The following MRC1 variants were observed in gnomAD, a reference collection of about 807,000 sequenced individuals.
MRC1 encodes the protein macrophage mannose receptor 1.
A neutral mutation model predicts 102.9 loss-of-function variants in MRC1; 62 were observed. That is an observed-to-expected ratio of 0.60 (90% CI 0.49 to 0.74). The LOEUF (loss-of-function observed/expected upper bound fraction) is 0.74, where lower values mean the gene tolerates loss of function less well. Among genes scored for constraint, MRC1 ranks in the 30% least tolerant of loss-of-function variants. The probability of loss-of-function intolerance (pLI) is 0.00; values close to 1 mark genes in which losing one functional copy is unlikely to be tolerated. For missense variants in MRC1, 1,237 were observed against 862.8 expected, an observed-to-expected ratio of 1.43 and a Z score of -5.43; for synonymous variants, 457 against 298.4, an observed-to-expected ratio of 1.53 and a Z score of -5.48.
At chr10:17,856,169 CAAAAAAA>C (rs1243445821) in intron 8 of MRC1, 66 bp from the exon 9 acceptor site, 27 of 521,106 alleles carry the variant, frequency 5.2e-5, no homozygotes, top group Non-Finnish European at 5.3e-5. Flanking sequence ...GACACTGTCT[CAAAAAAA>C]AAAAAAAAAA....
At position 17,902,113 on chromosome 10, in the gene MRC1, C is replaced by A. The variant is rs1833837119; in HGVS notation, c.3790C>A (p.Leu1264Ile). ...CTGGGGCCAAGCTTCTCTGGAATGTCTTCGAATGGGTGAGTGCCACATTTC... is the reference window on the plus strand; with the variant it reads ...CTGGGGCCAAGCTTCTCTGGAATGTATTCGAATGGGTGAGTGCCACATTTC... The part of the protein sequence containing the change: ...RNWGQASLEC[L>I]RMGSSLVSIE... The change falls in exon 26 of 30, where the codon CTT becomes ATT. Residue 1264 changes from leucine (L) to isoleucine (I), a missense_variant. By Grantham distance (5) the Leu-to-Ile change is conservative. Coordinates refer to ENST00000569591, the MANE Select transcript of MRC1 (RefSeq NM_002438.4). 4 of 780,380 alleles carry A rather than the reference C, an allele frequency of 5.1e-6. No individual in the cohort carries two copies. The highest frequency in any genetic ancestry group is 1.7e-5 in the Admixed American group (1 of 58,980). 48.3% of individuals were successfully genotyped at this position (780,380 alleles called of 1,614,324 possible).
chr10:17,886,854 A>G (rs1833603975), intron 22 of MRC1, among the ~76,000 whole-genome samples: 2 of 152,232 alleles, frequency 1.3e-5, no homozygotes, highest in South Asian at 4.1e-4. Context: ...TGAATACAGC[A>G]GGAGTTTTAT....
At chr10:17,879,551 T>G (rs1242412885) in intron 18 of MRC1, among the ~76,000 whole-genome samples, 170 bp from the exon 19 acceptor site, 1 of 152,060 alleles carries the variant, frequency 6.6e-6, no homozygotes, top group African/African-American at 2.4e-5. Context: ...TTAGTAGAGA[T>G]GGAGTTTCCC....
chr10:17,900,891 A>G lies in MRC1; in HGVS notation c.3587A>G (p.Asp1196Gly). Residue 1196 changes from aspartate (D) to glycine (G), a missense_variant, in exon 25 of 30, where the codon GAT (aspartate) becomes GGT (glycine). By Grantham distance (94) the Asp-to-Gly change is moderately conservative. Coordinates refer to ENST00000569591, the MANE Select transcript of MRC1 (RefSeq NM_002438.4). ...LKSACVYLDL[D>G]GYWKTAHCNE... The stretch of plus-strand genomic sequence containing the variant: ...TCAGCATGTGTTTATCTGGATCTTG[A>G]TGGCTACTGGAAGACAGCACATTGC... The G allele has an allele frequency of 1.3e-6, 1 of 780,816 alleles. No homozygotes were observed. Among genetic ancestry groups the G allele is most frequent in the Non-Finnish European group, 2.4e-6 (1 of 417,930 alleles). 48.4% of individuals were successfully genotyped at this position (780,816 alleles called of 1,614,324 possible).
intron 21 of MRC1, 129 bp from the exon 22 acceptor site, chr10:17,885,140 A>G (rs1307554159): frequency 1.4e-6 from 1 of 726,862 alleles, no homozygotes; most frequent in Non-Finnish European, 2.5e-6. Context: ...TGTTCATGGT[A>G]GGTATTTTTA....
intron 3 of MRC1, 30 bp from the exon 4 acceptor site, chr10:17,833,645 G>T (rs1589169210): frequency 1.3e-6 from 1 of 780,706 alleles, no homozygotes; most frequent in South Asian, 1.3e-5. Context: ...TATGCATAAT[G>T]AACCAAATTC....
intron 5 of MRC1, among the ~76,000 whole-genome samples, chr10:17,843,783 TA>T (rs1231367897): frequency 1.8e-4 from 27 of 152,278 alleles, no homozygotes; most frequent in African/African-American, 6.0e-4. Flanking sequence ...ACCAAAACTT[TA>T]AAAAGGTTAT....
chr10:17,874,895 T>A (rs1203247928), intron 16 of MRC1, among the ~76,000 whole-genome samples, 195 bp from the exon 17 acceptor site: 2 of 152,220 alleles, frequency 1.3e-5, no homozygotes, highest in Admixed American at 1.3e-4. Context: ...TTTTACCAGA[T>A]TGGTAGAAAG....
At chr10:17,875,684 G>C (rs1291434983) in intron 17 of MRC1, among the ~76,000 whole-genome samples, 1 of 152,140 alleles carries the variant, frequency 6.6e-6, no homozygotes, top group Non-Finnish European at 1.5e-5. Flanking sequence ...ATTTAGGCTG[G>C]TTCCATATGT....
At chr10:17,822,101 G>A (rs1037190808) in intron 1 of MRC1, among the ~76,000 whole-genome samples, 126 of 152,226 alleles carry the variant, frequency 8.3e-4, no homozygotes, top group Non-Finnish European at 1.4e-3. Flanking sequence ...AGGAAGTTCC[G>A]TTTTGCCAGC....
intron 3 of MRC1, among the ~76,000 whole-genome samples, chr10:17,830,612 A>AC (rs1838556077): frequency 6.6e-6 from 1 of 151,158 alleles, no homozygotes; most frequent in Non-Finnish European, 1.5e-5. Flanking sequence ...GTAAAGGAAA[A>AC]TTCTTGGTTC....
chr10:17,880,492 T>C (rs1833498583), intron 19 of MRC1, 33 bp from the exon 20 acceptor site: 2 of 780,754 alleles, frequency 2.6e-6, no homozygotes, highest in Non-Finnish European at 4.8e-6. Flanking sequence ...CATAAACATA[T>C]GAATCTAATT....
chr10:17,814,470 A>G (rs1377890151), intron 1 of MRC1, among the ~76,000 whole-genome samples: 12 of 152,124 alleles, frequency 7.9e-5, no homozygotes, highest in African/African-American at 2.9e-4. Flanking sequence ...AATTCACGGT[A>G]GCTTTACCAG....
chr10:17,865,155 T>TA (rs1198106981), intron 11 of MRC1, among the ~76,000 whole-genome samples: 4 of 152,210 alleles, frequency 2.6e-5, no homozygotes, highest in African/African-American at 9.6e-5. Context: ...GGTGAAAAGC[T>TA]AAAAAATAAT....
chr10:17,910,252 C>T lies in MRC1; in HGVS notation c.4158C>T (p.Ser1386=), dbSNP rs1320717403. The T allele has an allele frequency of 1.0e-5, 8 of 780,724 alleles. No individual in the cohort carries two copies. The highest frequency in any genetic ancestry group is 3.4e-5 in the African/African-American group (2 of 59,114). 48.4% of individuals were successfully genotyped at this position (780,724 alleles called of 1,614,324 possible). A position where few individuals can be genotyped will look rare whatever the true frequency, so the allele number is the denominator to read the frequency against. Residue 1386 remains serine (S), a synonymous_variant, in exon 30 of 30, where the codon TCC becomes TCT. Transcript: ENST00000569591. ...TRKMDPSKPS[S]NVAGVVIIVI... is the part of the protein sequence containing the mutation. ...AGATGGACCCTTCTAAACCGTCTTC[C>T]AACGTGGCCGGAGTAGTCATCATTG...
chr10:17,825,115 T>C (rs1838453998), intron 2 of MRC1, among the ~76,000 whole-genome samples: 1 of 152,130 alleles, frequency 6.6e-6, no homozygotes, highest in African/African-American at 2.4e-5. Context: ...ATCCTGCTCC[T>C]CAGTTCTAGC....
intron 3 of MRC1, 25 bp from the exon 4 acceptor site, chr10:17,833,650 A>G (rs530979711): frequency 1.3e-5 from 10 of 781,114 alleles, no homozygotes; most frequent in Non-Finnish European, 1.7e-5. Context: ...ATAATGAACC[A>G]AATTCCATCT....
At position 17,901,856 on chromosome 10, in the gene MRC1, T is replaced by G. The variant is rs1248139156; in HGVS notation, c.3650-117T>G. 5 of 765,416 alleles carry G rather than the reference T, an allele frequency of 6.5e-6. No homozygotes were observed. In the African/African-American group the frequency reaches 8.6e-5, roughly 13 times the overall value. The allele number at this position is 765,416 out of a possible 1,614,324, so 47.4% of individuals were successfully genotyped here. ...AATATGGTGATCCAAATGATAACCA[T>G]TGGAAGATTTTTTAAAATAATGATC... On this transcript the variant is annotated intron_variant, in intron 25 of 29. Transcript: ENST00000569591.
At position 17,846,569 on chromosome 10, in the gene MRC1, C is replaced by T. The variant is rs1475478164; in HGVS notation, c.1063+1134C>T. ...TTTCCCTACCTCTCACCTGTAACAC[C>T]CAGTTTACCTTCCTGGAGAATAATT... On this transcript the variant is annotated intron_variant, in intron 6 of 29. Coordinates refer to ENST00000569591, the MANE Select transcript of MRC1 (RefSeq NM_002438.4). Among the ~76,000 whole-genome samples the T allele has an allele frequency of 2.6e-5, 4 of 152,222 alleles. No individual in the cohort carries two copies. In the East Asian group the frequency reaches 7.7e-4, roughly 29 times the overall value.
Sources: allele counts gnomAD v4.1 joint callset (sites outside exome capture counted in the v4.1 genomes callset), GRCh38; gene constraint gnomAD v4.1.1; transcripts MANE v1.5; gene names NCBI Gene and HGNC (gene_info 2026-07-23, HGNC 2026-07-21).